The following DSCAM variants were observed in gnomAD, a reference collection of about 807,000 sequenced individuals.
DSCAM encodes the protein DS cell adhesion molecule.
Under a neutral mutation model 217.7 loss-of-function variants are expected in DSCAM, and 47 were observed. The observed-to-expected ratio is 0.22, with a 90% CI of 0.17 to 0.28. The LOEUF (loss-of-function observed/expected upper bound fraction) is 0.28, where lower values mean the gene tolerates loss of function less well. DSCAM is among the 10% of genes least tolerant of loss of function. DSCAM has a pLI of 1.00. For synonymous variants in DSCAM, 1,056 were observed against 1,015.3 expected (o/e 1.04, Z -0.76); for missense variants, 2,080 against 2,618.3 (o/e 0.79, Z 4.49).
chr21:40,708,782 A>C lies in DSCAM; in HGVS notation c.44-11T>G. 2 of 1,524,536 alleles carry C rather than the reference A, an allele frequency of 1.3e-6. No homozygotes were observed. Among genetic ancestry groups the C allele is most frequent in the Non-Finnish European group, 1.8e-6 (2 of 1,129,806 alleles). The allele number at this position is 1,524,536 out of a possible 1,614,324, so 94.4% of individuals were successfully genotyped here. A position where few individuals can be genotyped will look rare whatever the true frequency, so the allele number is the denominator to read the frequency against. On this transcript the variant is annotated splice_polypyrimidine_tract_variant and intron_variant, in intron 1 of 32. Transcript: ENST00000400454. ...GGTCTTCACTGAAAACTGCAAGAAGACAACACAGGGATCCATAGGTGAGTA... is the reference window on the plus strand; with the variant it reads ...GGTCTTCACTGAAAACTGCAAGAAGCCAACACAGGGATCCATAGGTGAGTA...
chr21:40,570,455 C>A (rs530026503), intron 3 of DSCAM, among the ~76,000 whole-genome samples: 2 of 152,342 alleles, frequency 1.3e-5, no homozygotes, highest in East Asian at 3.9e-4. Flanking sequence ...GGTAAACATT[C>A]CTTACTTCAA....
chr21:40,126,290 A>C (rs1268723101), intron 19 of DSCAM, among the ~76,000 whole-genome samples: 3 of 151,810 alleles, frequency 2.0e-5, no homozygotes, highest in Non-Finnish European at 4.4e-5. Flanking sequence ...GGAAGGAAGG[A>C]GGGAAGGAAG....
At chr21:40,692,494 G>A (rs990005312) in intron 3 of DSCAM, among the ~76,000 whole-genome samples, 3 of 152,134 alleles carry the variant, frequency 2.0e-5, no homozygotes, top group African/African-American at 7.2e-5. Context: ...TCTCACAGAT[G>A]CAAAATACTA....
rs1207946143 is a variant in DSCAM at position 40,016,951 on chromosome 21, A to C, written c.5687-3565T>G. Among the ~76,000 whole-genome samples the C allele has an allele frequency of 6.6e-6, 1 of 152,154 alleles. No homozygotes were observed. Among genetic ancestry groups the C allele is most frequent in the Non-Finnish European group, 1.5e-5 (1 of 68,034 alleles). ...GCCAAAATGGGGAAACCCCGTCTCT[A>C]CTGAAAATAGAAAAATCAGCTGGAC... On this transcript the variant is annotated intron_variant, in intron 32 of 32. Transcript: ENST00000400454. The surrounding 1 kb of genome is among the most constrained non-coding windows in gnomAD (Gnocchi z 4.3).
At chr21:40,138,647 T>G (rs868198577) in intron 18 of DSCAM, among the ~76,000 whole-genome samples, 127 of 129,576 alleles carry the variant, frequency 9.8e-4, no homozygotes, top group African/African-American at 3.5e-3. Context: ...TACGTGTGTG[T>G]GGGGGGTGTG....
At chr21:40,753,511 T>G (rs1011204861) in intron 1 of DSCAM, among the ~76,000 whole-genome samples, 2 of 152,174 alleles carry the variant, frequency 1.3e-5, no homozygotes, top group African/African-American at 4.8e-5. Flanking sequence ...GGACACACCT[T>G]TAGATGTATA....
At chr21:40,846,024 A>T (rs1223936794) in intron 1 of DSCAM, among the ~76,000 whole-genome samples, 1 of 150,280 alleles carries the variant, frequency 6.7e-6, no homozygotes, top group African/African-American at 2.5e-5. Context: ...ATTTGTCAAC[A>T]TTTCAGATGA....
intron 1 of DSCAM, among the ~76,000 whole-genome samples, chr21:40,777,930 A>G (rs1189100874): frequency 6.6e-6 from 1 of 152,194 alleles, no homozygotes; most frequent in East Asian, 1.9e-4. Context: ...AAAGGAAACA[A>G]TTTAAATGAC....
chr21:40,178,297 G>A (rs1257391104), intron 15 of DSCAM, among the ~76,000 whole-genome samples: 1 of 152,150 alleles, frequency 6.6e-6, no homozygotes, highest in African/African-American at 2.4e-5. Context: ...TATTTAGCCA[G>A]TTATCACTGC....
chr21:40,109,773 C>T (rs546204485), intron 20 of DSCAM, among the ~76,000 whole-genome samples: 15 of 152,322 alleles, frequency 9.8e-5, no homozygotes, highest in African/African-American at 3.6e-4. Flanking sequence ...AGATTATATC[C>T]TGTGCCTTGC....
intron 1 of DSCAM, among the ~76,000 whole-genome samples, chr21:40,826,933 G>A (rs551837699): frequency 6.6e-6 from 1 of 152,194 alleles, no homozygotes; most frequent in South Asian, 2.1e-4. Context: ...CATAGAGAGG[G>A]CATTTAATGC....
At chr21:40,028,346 G>T (rs545692209) in intron 32 of DSCAM, among the ~76,000 whole-genome samples, 6 of 129,670 alleles carry the variant, frequency 4.6e-5, no homozygotes, top group African/African-American at 1.8e-4. Flanking sequence ...AGGCAGGCAG[G>T]CAGGCCTCCT....
At chr21:40,685,027 A>C (rs966106822) in intron 3 of DSCAM, among the ~76,000 whole-genome samples, 3 of 152,232 alleles carry the variant, frequency 2.0e-5, no homozygotes, top group African/African-American at 7.2e-5. Context: ...AGTATGAGTC[A>C]ATGTGTTTTC....
chr21:40,724,979 G>A (rs373457549), intron 1 of DSCAM, among the ~76,000 whole-genome samples: 3 of 152,262 alleles, frequency 2.0e-5, no homozygotes, highest in South Asian at 4.1e-4. Flanking sequence ...TCTCATAAAT[G>A]CAAATACACC....
At chr21:40,615,539 C>G (rs751048522) in intron 3 of DSCAM, 2 of 151,896 alleles carry the variant, frequency 1.3e-5, no homozygotes, top group Non-Finnish European at 2.9e-5. Context: ...CTAAATATTC[C>G]CCAACAAATT....
chr21:40,639,178 C>T (rs572650156), intron 3 of DSCAM, among the ~76,000 whole-genome samples: 1 of 152,080 alleles, frequency 6.6e-6, no homozygotes, highest in South Asian at 2.1e-4. Flanking sequence ...AGAAATCCAC[C>T]CGTCGCTGGG....
At chr21:40,105,110 G>A (rs1652722958) in intron 20 of DSCAM, among the ~76,000 whole-genome samples, 1 of 152,110 alleles carries the variant, frequency 6.6e-6, no homozygotes, top group African/African-American at 2.4e-5. Flanking sequence ...ATATGCTTAA[G>A]TTTTCTTTGC....
intron 3 of DSCAM, among the ~76,000 whole-genome samples, chr21:40,602,219 C>A (rs1312834578): frequency 6.6e-6 from 1 of 151,998 alleles, no homozygotes; most frequent in Non-Finnish European, 1.5e-5. Context: ...TGCCTCCATG[C>A]TCAGATAATT....
intron 4 of DSCAM, among the ~76,000 whole-genome samples, chr21:40,366,823 A>G (rs2123692237): frequency 6.6e-6 from 1 of 152,264 alleles, no homozygotes; most frequent in South Asian, 2.1e-4. Context: ...ATGGGATTGA[A>G]CTGTATGGGC....
Sources: gnomAD v4.1 joint callset for allele counts (sites outside exome capture counted in the v4.1 genomes callset) on GRCh38, gnomAD v4.1.1 for gene constraint, Gnocchi (gnomAD v3.1) non-coding constraint, MANE v1.5 for transcripts, NCBI Gene and HGNC (gene_info 2026-07-23, HGNC 2026-07-21) for gene names.